C10orf90: variants seen among roughly 807,000 people sequenced by gnomAD.
C10orf90 encodes chromosome 10 open reading frame 90, also known as (E2-independent) E3 ubiquitin-conjugating enzyme FATS.
C10orf90 carries 56 observed loss-of-function variants against 62.5 expected under a neutral mutation model. The observed-to-expected ratio is 0.90, with a 90% CI of 0.72 to 1.12. The LOEUF (loss-of-function observed/expected upper bound fraction) is 1.12. Ranked by LOEUF, C10orf90 falls within the 50% of genes most tolerant of loss-of-function variation. C10orf90 has a pLI of 0.00. For missense variants in C10orf90, 970 were observed against 880.4 expected (o/e 1.10, Z -1.29); for synonymous variants, 386 against 340.4 (o/e 1.13, Z -1.47).
intron 2 of C10orf90, among the ~76,000 whole-genome samples, chr10:126,562,549 G>A (rs894126585): frequency 2.0e-5 from 3 of 152,320 alleles, no homozygotes; most frequent in Admixed American, 6.5e-5. Context: ...TGACCTTGCT[G>A]ATATGCAGAT....
chr10:126,476,196 C>T (rs944883927), intron 4 of C10orf90, among the ~76,000 whole-genome samples: 10 of 152,194 alleles, frequency 6.6e-5, no homozygotes, highest in African/African-American at 1.2e-4. Context: ...AGTTCCACTT[C>T]TCAGCGCTCC....
intron 2 of C10orf90, among the ~76,000 whole-genome samples, chr10:126,582,330 T>C (rs983107676): frequency 2.0e-5 from 3 of 152,220 alleles, no homozygotes; most frequent in African/African-American, 4.8e-5. Context: ...CCACTTTGGA[T>C]TTGAAGTGTG....
rs555586418 is a variant in C10orf90 at position 126,449,469 on chromosome 10, C to T, written c.2188+9571G>A. ...AAAGTTGAAAGCTTTTCCTCTAAGA[C>T]CAGGAATAAAACAAGGATACCTATT... is the stretch of plus-strand genomic sequence containing the variant. On this transcript the variant is annotated intron_variant, in intron 7 of 9. Coordinates refer to ENST00000488181, the MANE Select transcript of C10orf90 (RefSeq NM_001350921.2). Among the ~76,000 whole-genome samples, 240 of 152,146 alleles carry T rather than the reference C, an allele frequency of 1.6e-3. 1 individual carries two copies. Among genetic ancestry groups the T allele is most frequent in the African/African-American group, 5.7e-3 (235 of 41,498 alleles).
intron 2 of C10orf90, among the ~76,000 whole-genome samples, chr10:126,624,553 AG>A (rs1845707183): frequency 6.6e-6 from 1 of 152,230 alleles, no homozygotes; most frequent in African/African-American, 2.4e-5. Flanking sequence ...GGAACTTAGC[AG>A]GAACTAAGTA....
At chr10:126,510,048 C>G (rs1294620436) in intron 3 of C10orf90, among the ~76,000 whole-genome samples, 2 of 152,174 alleles carry the variant, frequency 1.3e-5, no homozygotes, top group Non-Finnish European at 2.9e-5. Flanking sequence ...TCCCTCTGTC[C>G]TCTGCTCCAT....
At chr10:126,447,515 C>G (rs956748052) in intron 7 of C10orf90, among the ~76,000 whole-genome samples, 1 of 151,944 alleles carries the variant, frequency 6.6e-6, no homozygotes, top group African/African-American at 2.4e-5. Context: ...CATCTAATAT[C>G]AGAACACTTA....
Position 126,466,808 on chromosome 10 carries a change from A to G in C10orf90, c.1535-1822T>C, listed in dbSNP as rs563460222. ...AAGTACCAAAAAGAAAGAAACTGTT[A>G]TCAGCCTTTGTCATTTGGAGACGTT... On this transcript the variant is annotated intron_variant, in intron 4 of 9. Transcript: ENST00000488181. Among the ~76,000 whole-genome samples the G allele has an allele frequency of 2.8e-4, 43 of 152,370 alleles. 1 individual carries two copies. The South Asian group carries it at 5.6e-3, about 20-fold the overall frequency.
intron 2 of C10orf90, among the ~76,000 whole-genome samples, chr10:126,523,196 C>A (rs1863823744): frequency 6.6e-6 from 1 of 152,216 alleles, no homozygotes; most frequent in Non-Finnish European, 1.5e-5. Flanking sequence ...TGGCCCTTGG[C>A]AGCCAGGGTG....
chr10:126,554,130 T>C (rs1277266497), intron 2 of C10orf90, among the ~76,000 whole-genome samples: 2 of 151,886 alleles, frequency 1.3e-5, no homozygotes, highest in African/African-American at 4.8e-5. Flanking sequence ...ATAACCCAAA[T>C]GTCCACCAAC....
chr10:126,495,731 C>T (rs535176701), intron 4 of C10orf90, among the ~76,000 whole-genome samples: 2 of 152,258 alleles, frequency 1.3e-5, no homozygotes, highest in East Asian at 3.9e-4. Context: ...GAATGAAACA[C>T]ATCATCTATT....
At position 126,504,796 on chromosome 10, in the gene C10orf90, C is replaced by T. The variant is rs1862622321; in HGVS notation, c.695G>A (p.Arg232Lys). 6.3e-7 allele frequency: 1 copy of T among 1,586,614 alleles called. No individual in the cohort carries two copies. The highest frequency in any genetic ancestry group is 8.6e-7 in the Non-Finnish European group (1 of 1,165,906). The change falls in exon 4 of 10, where the codon AGA (arginine) becomes AAA (lysine). Residue 232 changes from arginine to lysine, a missense_variant. Physicochemically the swap from Arg to Lys is conservative, Grantham distance 26. Coordinates refer to ENST00000488181, the MANE Select transcript of C10orf90 (RefSeq NM_001350921.2). The surrounding 1 kb of genome is among the most constrained non-coding windows in gnomAD (Gnocchi z 4.1). ...KEERPCGGPRRGFASITITAR... is the reference protein window; with the variant it reads ...KEERPCGGPRKGFASITITAR... The stretch of plus-strand genomic sequence containing the variant: ...CGTGATGGTGATGGATGCAAACCCT[C>T]TGCGGGGGCCCCCACAGGGTCTCTC...
intron 2 of C10orf90, among the ~76,000 whole-genome samples, chr10:126,629,119 G>T (rs755456691): frequency 6.6e-6 from 1 of 152,206 alleles, no homozygotes. Context: ...GAAGACAGAA[G>T]CAGCCTTCAA....
rs1348687389 is a variant in C10orf90 at position 126,461,561 on chromosome 10, A to G, written c.1850T>C (p.Val617Ala). 1.2e-6 allele frequency: 2 copies of G among 1,613,682 alleles called. No individual in the cohort carries two copies. The highest frequency in any genetic ancestry group is 1.1e-5 in the South Asian group (1 of 91,028). Residue 617 changes from valine (V) to alanine (A), a missense_variant, in exon 6 of 10, where the codon GTT (valine) becomes GCT (alanine). Physicochemically the swap from Val to Ala is moderately conservative, Grantham distance 64. Transcript: ENST00000488181. The part of the protein sequence containing the change: ...PKGDYTCCDL[V>A]VKIKECKKSE... Reference sequence around the variant, plus strand: ...CTTCTTACATTCCTTTATTTTTACAACCAAGTCACAGCATGTGTAATCTCC... The same window carrying G: ...CTTCTTACATTCCTTTATTTTTACAGCCAAGTCACAGCATGTGTAATCTCC...
intron 2 of C10orf90, among the ~76,000 whole-genome samples, chr10:126,542,642 G>A (rs778759957): frequency 5.3e-5 from 8 of 151,970 alleles, no homozygotes; most frequent in Non-Finnish European, 1.2e-4. Flanking sequence ...CGTATTATAC[G>A]AATTTTAACT....
chr10:126,529,828 A>G (rs955310620), intron 2 of C10orf90, among the ~76,000 whole-genome samples: 3 of 152,236 alleles, frequency 2.0e-5, no homozygotes, highest in African/African-American at 7.2e-5. Flanking sequence ...AATACCTAAC[A>G]TCTAGCAATT....
At chr10:126,525,915 G>C (rs1246500211) in intron 2 of C10orf90, among the ~76,000 whole-genome samples, 1 of 151,948 alleles carries the variant, frequency 6.6e-6, no homozygotes, top group African/African-American at 2.4e-5. Flanking sequence ...GCTATTCCCT[G>C]CTGTATAGCA....
chr10:126,597,844 T>C (rs573173888), intron 2 of C10orf90, among the ~76,000 whole-genome samples: 1 of 152,310 alleles, frequency 6.6e-6, no homozygotes, highest in South Asian at 2.1e-4. Context: ...ATATGATTAG[T>C]GTCTATGTGT....
chr10:126,516,213 G>A (rs1863430528), intron 2 of C10orf90, among the ~76,000 whole-genome samples: 3 of 152,156 alleles, frequency 2.0e-5, no homozygotes, highest in Admixed American at 2.0e-4. Flanking sequence ...AACACCTCCT[G>A]CAAAAATGCT....
intron 1 of C10orf90, among the ~76,000 whole-genome samples, chr10:126,655,272 C>T (rs7089052): frequency 0.19 from 29,093 of 151,926 alleles, 2,885 homozygotes; most frequent in Middle Eastern, 0.24. Context: ...GGGCCGAGAT[C>T]GTTCCACTGC....
Sources: gnomAD v4.1 joint callset for allele counts (sites outside exome capture counted in the v4.1 genomes callset) on GRCh38, gnomAD v4.1.1 for gene constraint, Gnocchi (gnomAD v3.1) non-coding constraint, MANE v1.5 for transcripts, NCBI Gene and HGNC (gene_info 2026-07-23, HGNC 2026-07-21) for gene names.